PRKDC: variants seen among roughly 807,000 people sequenced by gnomAD.
PRKDC encodes the protein protein kinase, DNA-activated, catalytic subunit.
A neutral mutation model predicts 486.9 loss-of-function variants in PRKDC; 82 were observed. The observed-to-expected ratio is 0.17, with a 90% confidence interval of 0.14 to 0.20. The LOEUF is 0.20. Among genes scored for constraint, PRKDC ranks in the 10% least tolerant of loss-of-function variants. The pLI is 1.00. For synonymous variants in PRKDC, 1,895 were observed against 1,837.0 expected, an observed-to-expected ratio of 1.03 and a Z score of -0.81; for missense variants, 4,504 against 5,038.2, an observed-to-expected ratio of 0.89 and a Z score of 3.21.
At chr8:47,854,312 T>G (rs2088483124) in intron 50 of PRKDC, 98 bp from the exon 51 acceptor site, 2 of 1,393,840 alleles carry the variant, frequency 1.4e-6, no homozygotes, top group Non-Finnish European at 2.0e-6. Context: ...AGACAGAGTC[T>G]GACTCTCGCC....
chr8:47,873,227 CAAAAAAA>C (rs60385860), intron 40 of PRKDC, among the ~76,000 whole-genome samples: 316 of 71,066 alleles, frequency 4.4e-3, no homozygotes, highest in South Asian at 0.011. Flanking sequence ...GACTCCATCT[CAAAAAAA>C]AAAAAAAAAA....
At chr8:47,815,995 C>T (rs921681594) in intron 68 of PRKDC, among the ~76,000 whole-genome samples, 1 of 152,166 alleles carries the variant, frequency 6.6e-6, no homozygotes, top group African/African-American at 2.4e-5. Flanking sequence ...TTGAGGATCA[C>T]TTGAGGTCAG....
rs1375934238 is a variant in PRKDC at position 47,881,409 on chromosome 8, T to A, written c.5067+7A>T. 7.7e-6 allele frequency: 11 copies of A among 1,428,648 alleles called. No homozygotes were observed. In the African/African-American group the frequency reaches 1.6e-4, roughly 20 times the overall value. The allele number at this position is 1,428,648 out of a possible 1,614,324, so 88.5% of individuals were successfully genotyped here. A position where few individuals can be genotyped will look rare whatever the true frequency, so the allele number is the denominator to read the frequency against. On this transcript the variant is annotated splice_region_variant and intron_variant, in intron 38 of 85. Coordinates refer to ENST00000314191, the MANE Select transcript of PRKDC (RefSeq NM_006904.7). ...TAATCCAAAAAAATAAATATTTCAC[T>A]GTTTACCTTTAAATGTAGATCCAGC...
intron 25 of PRKDC, among the ~76,000 whole-genome samples, chr8:47,911,415 C>T (rs1407171885): frequency 6.6e-6 from 1 of 152,230 alleles, no homozygotes; most frequent in Non-Finnish European, 1.5e-5. Flanking sequence ...CCTAGTTTAT[C>T]AGGAGCTGCC....
intron 68 of PRKDC, 67 bp downstream of exon 68, chr8:47,817,383 G>T: frequency 8.8e-7 from 1 of 1,131,900 alleles, no homozygotes; most frequent in Non-Finnish European, 1.3e-6. Context: ...ACCATGGTTT[G>T]GAAGAAAAAC....
In PRKDC at chr8:47,862,271, T is replaced by A; in HGVS notation, c.5919+102A>T. ...CCTATGCAGAATTAAACGAACCACA[T>A]CTTTAATATAAGATGGTATAAATTA... On this transcript the variant is annotated intron_variant, in intron 43 of 85. Transcript: ENST00000314191. 2.9e-6 allele frequency: 4 copies of A among 1,393,514 alleles called. No homozygotes were observed. The South Asian group carries it at 4.1e-5, about 14-fold the overall frequency. 86.3% of individuals were successfully genotyped at this position (1,393,514 alleles called of 1,614,324 possible). A position where few individuals can be genotyped will look rare whatever the true frequency, so the allele number is the denominator to read the frequency against.
intron 21 of PRKDC, among the ~76,000 whole-genome samples, chr8:47,922,282 A>G (rs917856641): frequency 6.6e-6 from 1 of 152,016 alleles, no homozygotes; most frequent in African/African-American, 2.4e-5. Context: ...ACAGGCGTAT[A>G]CCACCACATC....
At chr8:47,914,326 A>G (rs192928820) in intron 23 of PRKDC, among the ~76,000 whole-genome samples, 56 of 152,312 alleles carry the variant, frequency 3.7e-4, no homozygotes, top group African/African-American at 1.2e-3. Flanking sequence ...AGAGTTACTT[A>G]AAGTATTTTG....
At chr8:47,794,143 A>G in intron 74 of PRKDC, 147 bp downstream of exon 74, 1 of 667,320 alleles carries the variant, frequency 1.5e-6, no homozygotes, top group Non-Finnish European at 2.6e-6. Context: ...CAGAATAGAT[A>G]TATTCAACAA....
intron 1 of PRKDC, among the ~76,000 whole-genome samples, 185 bp downstream of exon 1, chr8:47,959,788 A>G (rs1168950081): frequency 6.6e-6 from 1 of 152,158 alleles, no homozygotes; most frequent in African/African-American, 2.4e-5. Flanking sequence ...CTTTCCTCTA[A>G]TACTAGGGGG....
At chr8:47,955,449 G>A (rs1254925517) in intron 4 of PRKDC, among the ~76,000 whole-genome samples, 8 of 111,430 alleles carry the variant, frequency 7.2e-5, no homozygotes, top group Admixed American at 2.5e-4. Flanking sequence ...GCGACAGAGC[G>A]AGACTCCGTC....
Position 47,852,752 on chromosome 8 carries a change from A to C in PRKDC, c.6926T>G (p.Phe2309Cys). ...YFQALVNNMS[F>C]VRYKEVYAAA... ...GGCATACACTTCTTTATATCTTACA[A>C]AGGACATATTATTCACCAAAGCCTG... The change falls in exon 52 of 86, where the codon TTT becomes TGT. Residue 2309 changes from phenylalanine (F) to cysteine (C), a missense_variant. Physicochemically the swap from Phe to Cys is radical, Grantham distance 205 (BLOSUM62 -2). This residue lies in a region of PRKDC where 1,592 missense variants were observed against 1,724.6 expected (regional missense o/e 0.92). Transcript: ENST00000314191. 1 of 1,575,772 alleles carries C rather than the reference A, an allele frequency of 6.3e-7. No homozygotes were observed. The highest frequency in any genetic ancestry group is 1.2e-5 in the South Asian group (1 of 86,164).
At chr8:47,798,490 T>C in intron 72 of PRKDC, 93 bp from the exon 73 acceptor site, 1 of 1,326,810 alleles carries the variant, frequency 7.5e-7, no homozygotes, top group Non-Finnish European at 1.0e-6. Context: ...CTTTTTGGCT[T>C]GTATTTTGTA....
intron 54 of PRKDC, 69 bp from the exon 55 acceptor site, chr8:47,840,258 G>C: frequency 7.7e-7 from 1 of 1,300,514 alleles, no homozygotes; most frequent in Non-Finnish European, 1.1e-6. Flanking sequence ...AGTATGACAG[G>C]CAACTTTTTC....
At chr8:47,842,361 C>T (rs979214876) in intron 54 of PRKDC, among the ~76,000 whole-genome samples, 1 of 152,124 alleles carries the variant, frequency 6.6e-6, no homozygotes, top group Non-Finnish European at 1.5e-5. Context: ...GGATCATAGT[C>T]TGAATTATAT....
chr8:47,856,638 A>C (rs931963189), intron 49 of PRKDC, among the ~76,000 whole-genome samples: 3 of 151,764 alleles, frequency 2.0e-5, no homozygotes, highest in Non-Finnish European at 4.4e-5. Context: ...CAAAGCACCA[A>C]CACACACACA....
At chr8:47,865,162 C>T (rs1469036850) in intron 40 of PRKDC, among the ~76,000 whole-genome samples, 1 of 151,594 alleles carries the variant, frequency 6.6e-6, no homozygotes. Context: ...CCGAGGCTGG[C>T]AGATCATGAG....
Position 47,897,022 on chromosome 8 carries a change from C to G in PRKDC, c.3598+139G>C, listed in dbSNP as rs947308769. 7 of 963,080 alleles carry G rather than the reference C, an allele frequency of 7.3e-6. No homozygotes were observed. In the African/African-American group the frequency reaches 1.1e-4, roughly 16 times the overall value. The allele number at this position is 963,080 out of a possible 1,614,324, so 59.7% of individuals were successfully genotyped here. ...ATGCTGAAACAGAACTGCATTACCT[C>G]ATCAACTGTTAATATTCTGAATCTT... On this transcript the variant is annotated intron_variant, in intron 30 of 85. Transcript: ENST00000314191.
intron 84 of PRKDC, 141 bp from the exon 85 acceptor site, chr8:47,777,124 T>C: frequency 9.8e-7 from 1 of 1,022,326 alleles, no homozygotes; most frequent in Non-Finnish European, 1.4e-6. Context: ...GCTACAAAGC[T>C]GTTCATACAG....
Sources: gnomAD v4.1 joint callset for allele counts (sites outside exome capture counted in the v4.1 genomes callset) on GRCh38, gnomAD v4.1.1 for gene constraint, gnomAD v4.1.1 regional missense constraint, MANE v1.5 for transcripts, NCBI Gene and HGNC (gene_info 2026-07-23, HGNC 2026-07-21) for gene names.